Variants in NAALADL2 observed in about 807,000 individuals in gnomAD.
The protein encoded by NAALADL2 is N-acetylated alpha-linked acidic dipeptidase like 2, also known as inactive N-acetylated-alpha-linked acidic dipeptidase-like protein 2.
In NAALADL2, 76 loss-of-function variants were observed where a neutral mutation model predicts 87.2. That is an observed-to-expected ratio of 0.87 (90% CI 0.72 to 1.05). The LOEUF (loss-of-function observed/expected upper bound fraction) is 1.05. Ranked by LOEUF, NAALADL2 falls within the 50% of genes least tolerant of loss-of-function variation. NAALADL2 has a pLI of 0.00. For missense variants in NAALADL2, 1,089 were observed against 945.8 expected (o/e 1.15, Z -1.99); for synonymous variants, 354 against 331.0 (o/e 1.07, Z -0.75).
intron 1 of NAALADL2, among the ~76,000 whole-genome samples, chr3:175,087,791 G>C (rs1230846179): frequency 6.6e-6 from 1 of 151,748 alleles, no homozygotes; most frequent in Non-Finnish European, 1.5e-5. Flanking sequence ...AGGGTCCTCT[G>C]CCTAGGAAAA....
At chr3:175,319,178 T>G (rs1759528812) in intron 4 of NAALADL2, among the ~76,000 whole-genome samples, 1 of 152,238 alleles carries the variant, frequency 6.6e-6, no homozygotes, top group African/African-American at 2.4e-5. Flanking sequence ...CATTCCCCAT[T>G]TCTCCTTAAA....
At chr3:175,425,213 A>G (rs1212668244) in intron 5 of NAALADL2, among the ~76,000 whole-genome samples, 1 of 152,142 alleles carries the variant, frequency 6.6e-6, no homozygotes, top group Non-Finnish European at 1.5e-5. Context: ...GGAGAAGTGA[A>G]GCAGGAAAAT....
At chr3:175,604,297 AAT>A (rs1491263719) in intron 10 of NAALADL2, among the ~76,000 whole-genome samples, 2 of 127,708 alleles carry the variant, frequency 1.6e-5, no homozygotes, top group Admixed American at 9.7e-5. Flanking sequence ...ATGACATTGA[AAT>A]TTTTTTTTTT....
At chr3:174,656,661 T>A (rs1190757522) in intron 2 of NAALADL2, among the ~76,000 whole-genome samples, 2 of 152,172 alleles carry the variant, frequency 1.3e-5, no homozygotes, top group Non-Finnish European at 2.9e-5. Context: ...GTCAATATGG[T>A]CTTTGCTAAA....
At chr3:174,740,792 G>C (rs1158162623) in intron 3 of NAALADL2, among the ~76,000 whole-genome samples, 1 of 151,804 alleles carries the variant, frequency 6.6e-6, no homozygotes, top group Admixed American at 6.6e-5. Flanking sequence ...ATATTAGTGA[G>C]TGTCTAGATG....
intron 10 of NAALADL2, among the ~76,000 whole-genome samples, chr3:175,607,923 G>GCACACACACACA (rs1219315059): frequency 3.4e-5 from 5 of 148,866 alleles, no homozygotes; most frequent in African/African-American, 1.0e-4. Context: ...GCACACACAC[G>GCACACACACACA]CACACACACA....
intron 5 of NAALADL2, among the ~76,000 whole-genome samples, chr3:175,387,576 A>G (rs1418110247): frequency 6.6e-6 from 1 of 152,098 alleles, no homozygotes; most frequent in Non-Finnish European, 1.5e-5. Context: ...AGTGATGCTA[A>G]GGTGATTCAA....
chr3:175,528,530 T>G (rs1478257248), intron 9 of NAALADL2, among the ~76,000 whole-genome samples: 2 of 152,080 alleles, frequency 1.3e-5, no homozygotes, highest in Admixed American at 1.3e-4. Context: ...ATCAACACTT[T>G]GCATCCTTCA....
chr3:174,521,036 A>T (rs745632378), intron 1 of NAALADL2, among the ~76,000 whole-genome samples: 6 of 152,210 alleles, frequency 3.9e-5, no homozygotes, highest in Non-Finnish European at 7.3e-5. Flanking sequence ...GTATGCAGAG[A>T]AAAGGGAACA....
In NAALADL2 at chr3:174,592,206, C is replaced by A. The variant is rs186200493; in HGVS notation, c.-115+41569C>A. ...ACTATAATTTTGGAATGGAGTATTT[C>A]TTTTTATTTATTTATTTATTTTTGA... On this transcript the variant is annotated intron_variant, in intron 2 of 3. Coordinates refer to the NAALADL2 transcript ENST00000434257. Among the ~76,000 whole-genome samples, 234 of 151,406 alleles carry A rather than the reference C, an allele frequency of 1.5e-3. 2 individuals are homozygous for A. The highest frequency in any genetic ancestry group is 5.6e-3 in the African/African-American group (231 of 41,264).
intron 2 of NAALADL2, among the ~76,000 whole-genome samples, chr3:175,121,191 G>T (rs1726101410): frequency 2.6e-5 from 4 of 151,832 alleles, no homozygotes; most frequent in Admixed American, 2.6e-4. Flanking sequence ...TTGTTTGAGG[G>T]TCTGGCCAAA....
intron 3 of NAALADL2, among the ~76,000 whole-genome samples, chr3:174,773,267 T>C (rs1165472367): frequency 2.0e-5 from 3 of 152,132 alleles, no homozygotes; most frequent in African/African-American, 7.2e-5. Context: ...ATAAAGACAA[T>C]ATCCCACAAG....
chr3:175,029,919 TGTCAGGCA>T (rs1175634864), intron 1 of NAALADL2, among the ~76,000 whole-genome samples: 1 of 152,108 alleles, frequency 6.6e-6, no homozygotes, highest in Non-Finnish European at 1.5e-5. Context: ...AAGTACTTTT[TGTCAGGCA>T]ATATATATGT....
intron 1 of NAALADL2, among the ~76,000 whole-genome samples, chr3:174,952,486 TG>T (rs889459098): frequency 2.0e-5 from 3 of 152,224 alleles, no homozygotes; most frequent in African/African-American, 7.2e-5. Context: ...CAGGGGTGTT[TG>T]GTCCTAAATA....
chr3:174,525,489 T>A (rs1438512605), intron 1 of NAALADL2, among the ~76,000 whole-genome samples: 1 of 152,092 alleles, frequency 6.6e-6, no homozygotes, highest in Admixed American at 6.5e-5. Context: ...GAGTGAGAAC[T>A]CACTTATTAC....
chr3:174,476,951 T>G (rs955491368), intron 1 of NAALADL2, among the ~76,000 whole-genome samples: 2 of 152,030 alleles, frequency 1.3e-5, no homozygotes, highest in African/African-American at 4.8e-5. Flanking sequence ...ACTAGACATT[T>G]TTTGAGGTAG....
intron 9 of NAALADL2, among the ~76,000 whole-genome samples, chr3:175,479,431 T>A (rs1419615897): frequency 1.3e-5 from 2 of 151,830 alleles, no homozygotes; most frequent in East Asian, 3.8e-4. Context: ...TGCAGCCTTT[T>A]CCAAACTTGT....
chr3:174,836,973 C>T (rs1192387518), intron 3 of NAALADL2, among the ~76,000 whole-genome samples: 2 of 151,956 alleles, frequency 1.3e-5, no homozygotes, highest in Non-Finnish European at 2.9e-5. Flanking sequence ...ATATATGCCA[C>T]AACCTATCTC....
At chr3:174,998,830 G>A (rs1423579304) in intron 1 of NAALADL2, among the ~76,000 whole-genome samples, 5 of 152,076 alleles carry the variant, frequency 3.3e-5, no homozygotes, top group Non-Finnish European at 7.4e-5. Flanking sequence ...TGCATATGTA[G>A]GTCATGGCTA....
Sources: allele counts gnomAD v4.1 joint callset (sites outside exome capture counted in the v4.1 genomes callset), GRCh38; gene constraint gnomAD v4.1.1; transcripts MANE v1.5; gene names NCBI Gene and HGNC (gene_info 2026-07-23, HGNC 2026-07-21).